The following ASZ1 variants were observed in gnomAD, a reference collection of about 807,000 sequenced individuals.
ASZ1 encodes the protein ankyrin repeat, SAM and basic leucine zipper domain containing 1, also known as ankyrin repeat, SAM and basic leucine zipper domain-containing protein 1.
In ASZ1, 67 loss-of-function variants were observed where a neutral mutation model predicts 61.8. That is an observed-to-expected ratio of 1.08 (90% confidence interval 0.89 to 1.33). The LOEUF (loss-of-function observed/expected upper bound fraction) is 1.33. Ranked by LOEUF, ASZ1 falls within the 40% of genes most tolerant of loss-of-function variation. The probability of loss-of-function intolerance (pLI) is 0.00; values close to 1 mark genes in which losing one functional copy is unlikely to be tolerated. For synonymous variants in ASZ1, 193 were observed against 192.7 expected (o/e 1.00, Z -0.01); for missense variants, 577 against 554.5 (o/e 1.04, Z -0.41).
chr7:117,409,355 T>C (rs1247500752), intron 4 of ASZ1, among the ~76,000 whole-genome samples: 1 of 151,938 alleles, frequency 6.6e-6, no homozygotes, highest in Non-Finnish European at 1.5e-5. Flanking sequence ...AGAATTCTAA[T>C]AGTTAAAAGT....
chr7:117,394,823 T>C (rs937084505), intron 4 of ASZ1, among the ~76,000 whole-genome samples: 1 of 152,220 alleles, frequency 6.6e-6, no homozygotes, highest in Non-Finnish European at 1.5e-5. Context: ...TTCTACCTCT[T>C]CTACACAAAT....
chr7:117,365,202 C>T (rs912794279), intron 12 of ASZ1, among the ~76,000 whole-genome samples: 3 of 152,056 alleles, frequency 2.0e-5, no homozygotes, highest in East Asian at 1.9e-4. Context: ...ACTTTCTTGC[C>T]CAAAGAACTG....
chr7:117,377,403 C>A (rs1796157770), intron 10 of ASZ1, among the ~76,000 whole-genome samples: 1 of 151,998 alleles, frequency 6.6e-6, no homozygotes, highest in African/African-American at 2.4e-5. Context: ...TGGTGCATGC[C>A]CATGGTCTCA....
At chr7:117,423,908 C>T (rs1438949100) in intron 2 of ASZ1, among the ~76,000 whole-genome samples, 1 of 149,926 alleles carries the variant, frequency 6.7e-6, no homozygotes. Flanking sequence ...AAAATTCTTA[C>T]TAAAATTCTA....
At chr7:117,380,862 C>A in intron 9 of ASZ1, 149 bp downstream of exon 9, 1 of 684,074 alleles carries the variant, frequency 1.5e-6, no homozygotes, top group South Asian at 2.0e-5. Flanking sequence ...ATTTTAGATA[C>A]GGTTATCCAT....
chr7:117,373,420 T>G (rs1486228293), intron 10 of ASZ1, among the ~76,000 whole-genome samples: 4 of 152,142 alleles, frequency 2.6e-5, no homozygotes, highest in Non-Finnish European at 5.9e-5. Flanking sequence ...CAGAAAAAAG[T>G]AAATGCAGTG....
chr7:117,369,566 A>C (rs1796010405), intron 10 of ASZ1, among the ~76,000 whole-genome samples: 2 of 152,202 alleles, frequency 1.3e-5, no homozygotes, highest in Non-Finnish European at 2.9e-5. Flanking sequence ...CCAAGAGATG[A>C]TGAAGGAAAA....
chr7:117,399,050 G>A (rs78468203), intron 4 of ASZ1, among the ~76,000 whole-genome samples: 268 of 152,130 alleles, frequency 1.8e-3, no homozygotes, highest in African/African-American at 6.2e-3. Flanking sequence ...GCAACATAGT[G>A]AGACTCTGTC....
At chr7:117,371,434 C>T (rs537859882) in intron 10 of ASZ1, among the ~76,000 whole-genome samples, 1 of 152,064 alleles carries the variant, frequency 6.6e-6, no homozygotes, top group East Asian at 1.9e-4. Context: ...TAAAAAGTAC[C>T]TGATGGTTGC....
Position 117,363,638 on chromosome 7 carries a change from A to G in ASZ1, c.1386T>C (p.Gly462=). The G allele has an allele frequency of 6.2e-7, 1 of 1,603,510 alleles. No individual in the cohort carries two copies. Among genetic ancestry groups the G allele is most frequent in the South Asian group, 1.1e-5 (1 of 88,468 alleles). ...TTAGCTTGCAAATGAAAAGAAGAAAACCGAATCCGCATATGGTAATAGCTG... is the reference window on the plus strand; with the variant it reads ...TTAGCTTGCAAATGAAAAGAAGAAAGCCGAATCCGCATATGGTAATAGCTG... ...KRTAITICGF[G]FLLFICKLTF... Residue 462 remains glycine (G), a synonymous_variant, in exon 13 of 13, where the codon GGT becomes GGC. Coordinates refer to ENST00000284629, the MANE Select transcript of ASZ1 (RefSeq NM_130768.3).
rs115437923 is a variant in ASZ1 at position 117,416,642 on chromosome 7, A to G, written c.440+3521T>C. Among the ~76,000 whole-genome samples the G allele has an allele frequency of 7.6e-3, 1,155 of 152,302 alleles. 16 individuals are homozygous for G. The highest frequency in any genetic ancestry group is 0.027 in the African/African-American group (1,104 of 41,570). ...AGGGAACTGGACTGGCAAGAGACACAATGGAACTTTCTGGAGTGATAGAAA... is the reference window on the plus strand; with the variant it reads ...AGGGAACTGGACTGGCAAGAGACACGATGGAACTTTCTGGAGTGATAGAAA... On this transcript the variant is annotated intron_variant, in intron 4 of 12. Coordinates refer to ENST00000284629, the MANE Select transcript of ASZ1 (RefSeq NM_130768.3).
chr7:117,410,166 T>C (rs1265553499), intron 4 of ASZ1, among the ~76,000 whole-genome samples: 1 of 151,814 alleles, frequency 6.6e-6, no homozygotes, highest in East Asian at 1.9e-4. Flanking sequence ...CAGCCATTTT[T>C]TTAGAAACTT....
At chr7:117,406,309 T>C (rs1796780470) in intron 4 of ASZ1, among the ~76,000 whole-genome samples, 1 of 151,788 alleles carries the variant, frequency 6.6e-6, no homozygotes, top group Non-Finnish European at 1.5e-5. Flanking sequence ...TTAAAAAAGG[T>C]TTTCAGAAGA....
intron 4 of ASZ1, among the ~76,000 whole-genome samples, chr7:117,415,151 T>G (rs1796966143): frequency 6.6e-6 from 1 of 152,220 alleles, no homozygotes; most frequent in Admixed American, 6.5e-5. Flanking sequence ...CTCCAGCATC[T>G]GTTGCTTCCT....
At chr7:117,414,886 T>G (rs1391309045) in intron 4 of ASZ1, among the ~76,000 whole-genome samples, 1 of 152,204 alleles carries the variant, frequency 6.6e-6, no homozygotes, top group African/African-American at 2.4e-5. Context: ...CTGTCATTGA[T>G]GGGCATTTGG....
intron 11 of ASZ1, 38 bp downstream of exon 11, chr7:117,368,574 T>C (rs777682587): frequency 1.9e-6 from 3 of 1,600,662 alleles, no homozygotes; most frequent in Non-Finnish European, 1.7e-6. Context: ...TTCTTCAGTG[T>C]TCATACTTTT....
At chr7:117,425,340 A>C (rs1797180501) in intron 2 of ASZ1, among the ~76,000 whole-genome samples, 1 of 128,332 alleles carries the variant, frequency 7.8e-6, no homozygotes, top group East Asian at 2.4e-4. Context: ...ATCTCGGCTC[A>C]CTGCAAGCTC....
chr7:117,426,738 C>A, intron 2 of ASZ1, 98 bp downstream of exon 2: 1 of 1,039,004 alleles, frequency 9.6e-7, no homozygotes. Context: ...ACATTTGTTG[C>A]GTTTCCATTA....
At chr7:117,407,064 G>T (rs1015017797) in intron 4 of ASZ1, among the ~76,000 whole-genome samples, 6 of 151,856 alleles carry the variant, frequency 4.0e-5, no homozygotes, top group African/African-American at 1.2e-4. Context: ...ATGAAACACC[G>T]ATCAGTGTGC....
Sources: allele counts gnomAD v4.1 joint callset (sites outside exome capture counted in the v4.1 genomes callset), GRCh38; gene constraint gnomAD v4.1.1; transcripts MANE v1.5; gene names NCBI Gene and HGNC (gene_info 2026-07-23, HGNC 2026-07-21).